ASIC2: variants seen among roughly 807,000 people sequenced by gnomAD.
The protein encoded by ASIC2 is acid-sensing ion channel 2.
In ASIC2, 25 loss-of-function variants were observed where a neutral mutation model predicts 57.3. The ratio of observed to expected loss-of-function variants is 0.44; its 90% CI spans 0.32 to 0.61. ASIC2 has a LOEUF of 0.61. Ranked by LOEUF, ASIC2 falls within the 20% of genes least tolerant of loss-of-function variation. The probability of loss-of-function intolerance (pLI) is 0.06; values close to 1 mark genes in which losing one functional copy is unlikely to be tolerated. For missense variants in ASIC2, 641 were observed against 738.1 expected (o/e 0.87, Z 1.52); for synonymous variants, 319 against 307.5 (o/e 1.04, Z -0.39).
chr17:34,147,954 G>A (rs1293855468), intron 1 of ASIC2, among the ~76,000 whole-genome samples: 4 of 152,090 alleles, frequency 2.6e-5, no homozygotes, highest in Admixed American at 2.6e-4. Flanking sequence ...ATTTTTTAAT[G>A]GGACCACATC....
rs192229423 is a variant in ASIC2 at position 33,804,002 on chromosome 17, G to A, written c.555+351976C>T. ...TTTGTGTGCAAGTGATTTTTGTTAGGAAAGATCTAAAAATACCCACAGCAG... is the reference window on the plus strand; with the variant it reads ...TTTGTGTGCAAGTGATTTTTGTTAGAAAAGATCTAAAAATACCCACAGCAG... On this transcript the variant is annotated intron_variant, in intron 1 of 9. Transcript: ENST00000359872. 2.6e-5 allele frequency among the ~76,000 whole-genome samples: 4 copies of A among 152,162 alleles called. No individual in the cohort carries two copies. In the East Asian group the frequency reaches 7.7e-4, roughly 29 times the overall value.
At position 33,085,797 on chromosome 17, in the gene ASIC2, A is replaced by AT. The variant is rs573973212; in HGVS notation, c.987+3065dup. 4.1e-4 allele frequency among the ~76,000 whole-genome samples: 62 copies of AT among 152,314 alleles called. No homozygotes were observed. The East Asian group carries it at 5.2e-3, about 13-fold the overall frequency. On this transcript the variant is annotated intron_variant, in intron 3 of 9. Transcript: ENST00000225823. ...CCTATGAATATGCTCTTTTATATAC[A>AT]TGTAAATATAATGTATTATTAGATT...
chr17:33,242,306 A>T lies in ASIC2; in HGVS notation c.708+49102T>A, dbSNP rs528959348. Among the ~76,000 whole-genome samples the T allele has an allele frequency of 5.7e-5, 8 of 140,494 alleles. No individual in the cohort carries two copies. The East Asian group carries it at 1.7e-3, about 29-fold the overall frequency. 92.2% of individuals were successfully genotyped at this position (140,494 alleles called of 152,430 possible). A position where few individuals can be genotyped will look rare whatever the true frequency, so the allele number is the denominator to read the frequency against. On this transcript the variant is annotated intron_variant, in intron 1 of 9. Coordinates refer to ENST00000225823, the MANE Select transcript of ASIC2 (RefSeq NM_183377.2). The stretch of plus-strand genomic sequence containing the variant: ...CACTTCAGCCTGGGGACAGAGCGAG[A>T]CTCCGTCAAAAAAAAAAAAAAAAAG...
intron 1 of ASIC2, among the ~76,000 whole-genome samples, chr17:33,518,964 G>A (rs1914657052): frequency 6.6e-6 from 1 of 152,102 alleles, no homozygotes; most frequent in South Asian, 2.1e-4. Context: ...GGGACTACAG[G>A]CGCCCGCCAC....
chr17:33,052,907 C>T (rs534463289), intron 3 of ASIC2: 1 of 152,180 alleles, frequency 6.6e-6, no homozygotes, highest in African/African-American at 2.4e-5. Flanking sequence ...TGTGGGATCC[C>T]CTGACTGAGT....
intron 1 of ASIC2, among the ~76,000 whole-genome samples, chr17:33,339,321 G>T (rs751939718): frequency 6.6e-6 from 1 of 152,112 alleles, no homozygotes. Flanking sequence ...AACTTTTCAC[G>T]TAGATATTTT....
intron 1 of ASIC2, among the ~76,000 whole-genome samples, chr17:34,123,505 A>G (rs1174702279): frequency 6.6e-6 from 1 of 152,156 alleles, no homozygotes; most frequent in East Asian, 1.9e-4. Flanking sequence ...CCTGGGAGTC[A>G]CCTTGTACAG....
chr17:33,360,466 C>T (rs1189693422), intron 1 of ASIC2, among the ~76,000 whole-genome samples: 1 of 152,210 alleles, frequency 6.6e-6, no homozygotes, highest in African/African-American at 2.4e-5. Context: ...CCTGAATGGG[C>T]TCCAGCTTCT....
intron 1 of ASIC2, among the ~76,000 whole-genome samples, chr17:33,982,249 C>A (rs950139784): frequency 6.6e-6 from 1 of 152,202 alleles, no homozygotes; most frequent in Non-Finnish European, 1.5e-5. Context: ...ATTTACCCTG[C>A]AATTACATGC....
At chr17:33,641,096 A>G (rs929189879) in intron 1 of ASIC2, among the ~76,000 whole-genome samples, 5 of 152,132 alleles carry the variant, frequency 3.3e-5, no homozygotes, top group Admixed American at 6.5e-5. Flanking sequence ...TATTTCTGCT[A>G]CAGAGAAGGA....
At chr17:33,407,808 T>C (rs925422215) in intron 1 of ASIC2, among the ~76,000 whole-genome samples, 11 of 152,342 alleles carry the variant, frequency 7.2e-5, no homozygotes, top group Admixed American at 5.9e-4. Context: ...CAGGTTGGGA[T>C]TGGCTTGGCT....
chr17:34,057,670 C>T (rs1197999035), intron 1 of ASIC2, among the ~76,000 whole-genome samples: 1 of 152,126 alleles, frequency 6.6e-6, no homozygotes, highest in Non-Finnish European at 1.5e-5. Context: ...GGGCGAGGCA[C>T]AGAGGCAAGA....
Position 33,971,525 on chromosome 17 carries a change from T to G in ASIC2, c.555+184453A>C, listed in dbSNP as rs1905229520. 3.3e-5 allele frequency among the ~76,000 whole-genome samples: 5 copies of G among 152,140 alleles called. No homozygotes were observed. The South Asian group carries it at 1.0e-3, about 32-fold the overall frequency. On this transcript the variant is annotated intron_variant, in intron 1 of 9. Transcript: ENST00000359872. ...TCCCTGCCCTCCCATTCATGCATAA[T>G]GAACATTCCTCTGAAGAGAAGAGAG... is the stretch of plus-strand genomic sequence containing the variant.
intron 1 of ASIC2, among the ~76,000 whole-genome samples, chr17:33,469,686 T>C (rs1208239986): frequency 1.3e-5 from 2 of 152,192 alleles, no homozygotes; most frequent in Non-Finnish European, 2.9e-5. Flanking sequence ...GACATTGTCA[T>C]AATAATGGCA....
At chr17:33,073,762 G>T (rs975757926) in intron 3 of ASIC2, among the ~76,000 whole-genome samples, 1 of 152,210 alleles carries the variant, frequency 6.6e-6, no homozygotes, top group African/African-American at 2.4e-5. Flanking sequence ...AAAATCCAAT[G>T]GACAAACTGG....
intron 1 of ASIC2, among the ~76,000 whole-genome samples, chr17:33,531,916 G>C (rs1915063508): frequency 6.6e-6 from 1 of 152,172 alleles, no homozygotes; most frequent in Non-Finnish European, 1.5e-5. Context: ...TTCCAGGTGA[G>C]GTCAAGGGCC....
chr17:33,906,659 T>A (rs1470822070), intron 1 of ASIC2, among the ~76,000 whole-genome samples: 2 of 152,252 alleles, frequency 1.3e-5, no homozygotes, highest in African/African-American at 2.4e-5. Flanking sequence ...CTCTTGAGAC[T>A]ACTGGTTTCA....
At chr17:33,555,540 G>T (rs556581119) in intron 1 of ASIC2, among the ~76,000 whole-genome samples, 1 of 152,154 alleles carries the variant, frequency 6.6e-6, no homozygotes, top group Non-Finnish European at 1.5e-5. Context: ...GATGAGGAGA[G>T]AGAGATGGTG....
chr17:33,388,320 C>T (rs1449392259), intron 1 of ASIC2, among the ~76,000 whole-genome samples: 1 of 152,204 alleles, frequency 6.6e-6, no homozygotes, highest in East Asian at 1.9e-4. Flanking sequence ...GTATTTTGGA[C>T]TTTTGGCTTC....
Sources: allele counts gnomAD v4.1 joint callset (sites outside exome capture counted in the v4.1 genomes callset), GRCh38; gene constraint gnomAD v4.1.1; transcripts MANE v1.5; gene names NCBI Gene and HGNC (gene_info 2026-07-23, HGNC 2026-07-21).